Variants in GARIN1B observed in about 807,000 individuals in gnomAD.
GARIN1B encodes the protein Golgi-associated RAB2 interactor protein 1B.
chr7:128,727,695 C>T, the GARIN1B span, among the ~76,000 whole-genome samples: 1 of 152,288 alleles, frequency 6.6e-6, no homozygotes, highest in Non-Finnish European at 1.5e-5. Flanking sequence ...TAGCCCAAAT[C>T]TTTTGCTCCA....
the GARIN1B span, chr7:128,731,299 C>T: frequency 1.7e-5 from 11 of 657,658 alleles, no homozygotes; most frequent in Middle Eastern, 4.9e-4. Flanking sequence ...CACTGCACCT[C>T]GGCATATGCC....
At chr7:128,709,879 G>A in the GARIN1B span, among the ~76,000 whole-genome samples, 4 of 151,746 alleles carry the variant, frequency 2.6e-5, no homozygotes, top group Admixed American at 2.6e-4. Flanking sequence ...AGCCTCCTGA[G>A]TAGCTGGGAT....
chr7:128,717,040 G>T, the GARIN1B span: 2 of 1,532,376 alleles, frequency 1.3e-6, no homozygotes, highest in South Asian at 1.3e-5. Context: ...GGGGTGAGGG[G>T]TGGATGCAAA....
chr7:128,730,723 T>C, the GARIN1B span, among the ~76,000 whole-genome samples: 1 of 152,100 alleles, frequency 6.6e-6, no homozygotes, highest in African/African-American at 2.4e-5. Flanking sequence ...CTTGGCTCAC[T>C]GCAACCTCCG....
the GARIN1B span, among the ~76,000 whole-genome samples, chr7:128,726,576 T>C: frequency 2.0e-5 from 3 of 151,740 alleles, no homozygotes; most frequent in African/African-American, 7.3e-5. Flanking sequence ...CCCCTCCTCC[T>C]CAGCAAAATC....
chr7:128,729,841 G>A, the GARIN1B span: 2 of 1,563,028 alleles, frequency 1.3e-6, no homozygotes, highest in African/African-American at 1.3e-5. Flanking sequence ...AATGTCAGCT[G>A]TAACCTGTAA....
the GARIN1B span, among the ~76,000 whole-genome samples, chr7:128,726,179 C>T: frequency 6.6e-6 from 1 of 152,218 alleles, no homozygotes; most frequent in Non-Finnish European, 1.5e-5. Flanking sequence ...GCATTTTAAA[C>T]AGGGAAGTGA....
chr7:128,711,013 G>A, the GARIN1B span, among the ~76,000 whole-genome samples: 1 of 151,514 alleles, frequency 6.6e-6, no homozygotes, highest in African/African-American at 2.4e-5. Flanking sequence ...TCTTATTTTG[G>A]TATCTCTATA....
chr7:128,718,315 C>A, the GARIN1B span, among the ~76,000 whole-genome samples: 123 of 152,028 alleles, frequency 8.1e-4, 1 homozygote, highest in African/African-American at 2.0e-3. Context: ...GCCTGTAATC[C>A]CAGCTACTGA....
chr7:128,731,040 C>G, the GARIN1B span: 2 of 1,484,504 alleles, frequency 1.3e-6, no homozygotes, highest in Non-Finnish European at 1.9e-6. Context: ...TGTGTGCCCA[C>G]AAAAGAGCTT....
chr7:128,724,003 G>A, the GARIN1B span, among the ~76,000 whole-genome samples: 1 of 152,122 alleles, frequency 6.6e-6, no homozygotes, highest in Non-Finnish European at 1.5e-5. Context: ...ATTTCTTTTT[G>A]TTGTTGTTGT....
the GARIN1B span, chr7:128,731,361 C>G: frequency 0.43 from 245,413 of 564,932 alleles, 54,127 homozygotes; most frequent in Admixed American, 0.49. Flanking sequence ...CTCAGAATGG[C>G]CGGGCCCAAG....
the GARIN1B span, among the ~76,000 whole-genome samples, chr7:128,722,298 A>G: frequency 0.28 from 42,596 of 152,018 alleles, 6,259 homozygotes; most frequent in African/African-American, 0.38. Context: ...CCATGAAGGC[A>G]GGGGTTTCTG....
chr7:128,731,160 C>T, the GARIN1B span: 1 of 1,534,284 alleles, frequency 6.5e-7, no homozygotes, highest in Non-Finnish European at 9.0e-7. Flanking sequence ...TCGTCAACAC[C>T]ACTTTGCAGC....
At chr7:128,711,654 T>TACACACACACACACAC in the GARIN1B span, among the ~76,000 whole-genome samples, 2 of 107,800 alleles carry the variant, frequency 1.9e-5, no homozygotes, top group Non-Finnish European at 3.8e-5. Flanking sequence ...ATTTTGGTTT[T>TACACACACACACACAC]ACAGACACAC....
the GARIN1B span, chr7:128,731,625 G>A: frequency 6.0e-6 from 1 of 166,136 alleles, no homozygotes; most frequent in African/African-American, 2.4e-5. Flanking sequence ...AAAAAGAAAT[G>A]TTTTCTTCCC....
the GARIN1B span, chr7:128,715,599 G>A: frequency 5.6e-6 from 9 of 1,614,078 alleles, no homozygotes; most frequent in Admixed American, 5.0e-5. Context: ...GCGGGCCTAG[G>A]TGTGGAGGAG....
chr7:128,715,825 C>G, the GARIN1B span: 1 of 778,670 alleles, frequency 1.3e-6, no homozygotes, highest in Admixed American at 2.5e-5. Flanking sequence ...ACCTGGAATG[C>G]AAGGCCACCC....
the GARIN1B span, among the ~76,000 whole-genome samples, chr7:128,725,646 A>G: frequency 1.3e-5 from 2 of 152,190 alleles, no homozygotes; most frequent in African/African-American, 4.8e-5. Context: ...TGCTGGTATT[A>G]TAGGAGGGAG....
Sources: gnomAD v4.1 joint callset for allele counts (sites outside exome capture counted in the v4.1 genomes callset) on GRCh38, gnomAD v4.1.1 for gene constraint, MANE v1.5 for transcripts, NCBI Gene and HGNC (gene_info 2026-07-23, HGNC 2026-07-21) for gene names.